Variants in PHIP observed in about 807,000 individuals in gnomAD.
The protein encoded by PHIP is PHIP subunit of CUL4-Ring ligase complex.
In PHIP, 54 loss-of-function variants were observed where a neutral mutation model predicts 236.8. That is an observed-to-expected ratio of 0.23 (90% CI 0.18 to 0.29). The LOEUF is 0.29. PHIP is among the 10% of genes least tolerant of loss of function. The probability of loss-of-function intolerance (pLI) is 1.00; values close to 1 mark genes in which losing one functional copy is unlikely to be tolerated. For synonymous variants in PHIP, 756 were observed against 718.9 expected, an observed-to-expected ratio of 1.05 and a Z score of -0.83; for missense variants, 1,370 against 2,190.8, an observed-to-expected ratio of 0.63 and a Z score of 7.48.
chr6:79,012,228 AAGC>A lies in PHIP; in HGVS notation c.1524+2851_1524+2853del, dbSNP rs779089478. Among the ~76,000 whole-genome samples, 5 of 151,740 alleles carry A rather than the reference AAGC, an allele frequency of 3.3e-5. No individual in the cohort carries two copies. The South Asian group carries it at 6.2e-4, about 19-fold the overall frequency. On this transcript the variant is annotated intron_variant, in intron 15 of 39. Transcript: ENST00000275034. Reference sequence around the variant, plus strand: ...ATGGAAAATTCAATTATTATTCAAAAAGCAGGAGAAATATTAAAGTATTCTTAA... The same window carrying A: ...ATGGAAAATTCAATTATTATTCAAAAAGGAGAAATATTAAAGTATTCTTAA...
At chr6:78,957,317 G>C (rs1261476450) in intron 32 of PHIP, 1 of 151,700 alleles carries the variant, frequency 6.6e-6, no homozygotes, top group African/African-American at 2.4e-5. Flanking sequence ...AAAAATTACA[G>C]ACATAAGAGT....
chr6:79,038,150 T>C (rs1309075550), intron 7 of PHIP, among the ~76,000 whole-genome samples: 1 of 152,256 alleles, frequency 6.6e-6, no homozygotes, highest in Non-Finnish European at 1.5e-5. Context: ...TTTTTGGTCT[T>C]AGTCTGTTGG....
At chr6:78,996,368 GTTTT>G (rs1769617183) in intron 19 of PHIP, among the ~76,000 whole-genome samples, 1 of 152,128 alleles carries the variant, frequency 6.6e-6, no homozygotes, top group Non-Finnish European at 1.5e-5. Flanking sequence ...ACTGATATGG[GTTTT>G]ATTTCACGAA....
At chr6:78,959,601 T>C (rs977018988) in intron 31 of PHIP, among the ~76,000 whole-genome samples, 2 of 152,154 alleles carry the variant, frequency 1.3e-5, no homozygotes, top group Non-Finnish European at 2.9e-5. Flanking sequence ...TTGTATTGAA[T>C]GTAATACATT....
intron 15 of PHIP, among the ~76,000 whole-genome samples, chr6:79,014,746 G>A (rs888636086): frequency 4.0e-5 from 6 of 151,602 alleles, no homozygotes; most frequent in African/African-American, 9.7e-5. Flanking sequence ...ACAATAATAC[G>A]AGTATTTATT....
In PHIP at chr6:79,078,200, C is replaced by G. The variant is rs1023190320; in HGVS notation, c.-132G>C. 1.2e-6 allele frequency: 1 copy of G among 845,020 alleles called. No individual in the cohort carries two copies. The highest frequency in any genetic ancestry group is 1.9e-6 in the Non-Finnish European group (1 of 538,150). 52.3% of individuals were successfully genotyped at this position (845,020 alleles called of 1,614,324 possible). ...AGCTTCGGCTCCACCATTCAAGCAA[C>G]GGCGGCGGAGGCGGAGGAGGAGGAG... On this transcript the variant is annotated 5_prime_UTR_variant, in exon 1 of 40. Transcript: ENST00000275034.
intron 17 of PHIP, among the ~76,000 whole-genome samples, chr6:78,999,500 A>G (rs1190264525): frequency 2.0e-5 from 3 of 152,186 alleles, no homozygotes; most frequent in African/African-American, 7.2e-5. Flanking sequence ...CCTCAAAAGC[A>G]TGAACTGTCT....
At chr6:79,070,727 C>G (rs1257668760) in intron 4 of PHIP, among the ~76,000 whole-genome samples, 2 of 152,172 alleles carry the variant, frequency 1.3e-5, no homozygotes, top group Non-Finnish European at 2.9e-5. Flanking sequence ...CTCATATAAA[C>G]TGGCACAGTA....
At chr6:78,981,871 G>A (rs898069830) in intron 23 of PHIP, among the ~76,000 whole-genome samples, 4 of 151,958 alleles carry the variant, frequency 2.6e-5, no homozygotes, top group African/African-American at 9.7e-5. Context: ...CTTTGGTAAA[G>A]CTTCCCCAAA....
intron 18 of PHIP, 74 bp from the exon 19 acceptor site, chr6:78,997,671 T>G: frequency 8.8e-7 from 1 of 1,139,398 alleles, no homozygotes; most frequent in Non-Finnish European, 1.2e-6. Context: ...AAAAAAGAGA[T>G]AAAACACTAT....
At chr6:78,963,003 T>C (rs1766883881) in intron 30 of PHIP, 94 bp downstream of exon 30, 2 of 1,134,634 alleles carry the variant, frequency 1.8e-6, no homozygotes, top group South Asian at 3.4e-5. Flanking sequence ...ACTTAGGATA[T>C]TGTGAAAAAA....
chr6:79,031,292 CATTAAT>C (rs1021582291), intron 7 of PHIP, among the ~76,000 whole-genome samples: 2 of 152,160 alleles, frequency 1.3e-5, no homozygotes, highest in African/African-American at 2.4e-5. Context: ...AAAGAGTGCT[CATTAAT>C]ATTATCATTT....
At position 78,948,588 on chromosome 6, in the gene PHIP, A is replaced by G. The variant is rs116754092; in HGVS notation, c.4054-813T>C. Among the ~76,000 whole-genome samples, 862 of 152,198 alleles carry G rather than the reference A, an allele frequency of 5.7e-3. 13 individuals are homozygous for G. Among genetic ancestry groups the G allele is most frequent in the African/African-American group, 0.02 (832 of 41,528 alleles). On this transcript the variant is annotated intron_variant, in intron 35 of 39. Coordinates refer to ENST00000275034, the MANE Select transcript of PHIP (RefSeq NM_017934.7). The stretch of plus-strand genomic sequence containing the variant: ...AAGCTCACTGCATCCTTGGCCTCCC[A>G]GACTCAAGCAACCTTCCCACCTCAG...
chr6:78,954,253 C>T (rs951096284), intron 35 of PHIP, among the ~76,000 whole-genome samples: 1 of 148,388 alleles, frequency 6.7e-6, no homozygotes, highest in Non-Finnish European at 1.5e-5. Flanking sequence ...AGGCACCCGC[C>T]CACACGCCTG....
intron 35 of PHIP, among the ~76,000 whole-genome samples, chr6:78,948,771 G>A (rs1334609378): frequency 6.6e-6 from 1 of 152,142 alleles, no homozygotes; most frequent in African/African-American, 2.4e-5. Context: ...TGGGATTATA[G>A]GCATTAGCCA....
intron 7 of PHIP, among the ~76,000 whole-genome samples, chr6:79,032,626 T>C (rs1771729356): frequency 6.6e-6 from 1 of 152,090 alleles, no homozygotes; most frequent in African/African-American, 2.4e-5. Flanking sequence ...CTACTAATTT[T>C]AGTTATCTTG....
intron 20 of PHIP, among the ~76,000 whole-genome samples, chr6:78,989,093 A>G (rs1309829456): frequency 8.5e-6 from 1 of 117,012 alleles, no homozygotes; most frequent in Non-Finnish European, 2.0e-5. Flanking sequence ...CCTAAAAAAC[A>G]CAAAAAACTT....
At chr6:78,978,149 T>C (rs1207939406) in intron 24 of PHIP, among the ~76,000 whole-genome samples, 1 of 152,146 alleles carries the variant, frequency 6.6e-6, no homozygotes, top group Non-Finnish European at 1.5e-5. Flanking sequence ...TCTAAGATTA[T>C]AGATTTTTTA....
chr6:78,970,893 A>G lies in PHIP; in HGVS notation c.2890-5T>C. On this transcript the variant is annotated splice_polypyrimidine_tract_variant and splice_region_variant and intron_variant, in intron 24 of 39. Transcript: ENST00000275034. ...TCCTTGTCGGAAATAATAAACCTAA[A>G]AAATAAAGTCATAATCTTACAACCT... 1 of 1,584,410 alleles carries G rather than the reference A, an allele frequency of 6.3e-7. No individual in the cohort carries two copies. Among genetic ancestry groups the G allele is most frequent in the Non-Finnish European group, 8.6e-7 (1 of 1,158,578 alleles).
Sources: allele counts gnomAD v4.1 joint callset (sites outside exome capture counted in the v4.1 genomes callset), GRCh38; gene constraint gnomAD v4.1.1; transcripts MANE v1.5; gene names NCBI Gene and HGNC (gene_info 2026-07-23, HGNC 2026-07-21).